TMTC2: variants seen among roughly 807,000 people sequenced by gnomAD.
TMTC2 encodes the protein protein O-mannosyl-transferase TMTC2.
Under a neutral mutation model 82.4 loss-of-function variants are expected in TMTC2, and 43 were observed. The observed-to-expected ratio is 0.52, with a 90% CI of 0.41 to 0.67. The LOEUF (loss-of-function observed/expected upper bound fraction) is 0.67. Among genes scored for constraint, TMTC2 ranks in the 30% least tolerant of loss-of-function variants. The pLI, the probability that TMTC2 is intolerant of heterozygous loss-of-function variation, is 0.00. For synonymous variants in TMTC2, 408 were observed against 381.9 expected, an observed-to-expected ratio of 1.07 and a Z score of -0.80; for missense variants, 919 against 1,012.4, an observed-to-expected ratio of 0.91 and a Z score of 1.25.
At chr12:82,782,456 C>G (rs1877955066) in intron 1 of TMTC2, among the ~76,000 whole-genome samples, 1 of 152,104 alleles carries the variant, frequency 6.6e-6, no homozygotes, top group Non-Finnish European at 1.5e-5. Context: ...GCTTTGCTAG[C>G]CTTCCTAGTG....
At chr12:82,742,210 A>T (rs1158445251) in intron 1 of TMTC2, among the ~76,000 whole-genome samples, 2 of 152,096 alleles carry the variant, frequency 1.3e-5, no homozygotes, top group African/African-American at 4.8e-5. Flanking sequence ...CTGCATCCTT[A>T]TGACCCAAAT....
chr12:82,923,834 A>C (rs888311571), intron 3 of TMTC2, among the ~76,000 whole-genome samples: 2 of 152,198 alleles, frequency 1.3e-5, no homozygotes, highest in Non-Finnish European at 2.9e-5. Context: ...GAGCCTTGGA[A>C]TATTCCTCCA....
intron 7 of TMTC2, among the ~76,000 whole-genome samples, chr12:82,969,254 C>T (rs1878348218): frequency 6.6e-6 from 1 of 152,134 alleles, no homozygotes; most frequent in African/African-American, 2.4e-5. Flanking sequence ...CACACATTTA[C>T]ATATTATTAG....
chr12:82,848,275 T>C (rs1870796928), intron 1 of TMTC2, among the ~76,000 whole-genome samples: 1 of 152,152 alleles, frequency 6.6e-6, no homozygotes, highest in East Asian at 1.9e-4. Flanking sequence ...TCCCAGAGTC[T>C]TTGAAAATAT....
chr12:82,753,642 G>C (rs1876138994), intron 1 of TMTC2, among the ~76,000 whole-genome samples: 1 of 152,096 alleles, frequency 6.6e-6, no homozygotes, highest in South Asian at 2.1e-4. Flanking sequence ...TTTCAAAGAA[G>C]ATATGAGAAG....
chr12:82,794,057 G>T (rs1330858555), intron 1 of TMTC2, among the ~76,000 whole-genome samples: 1 of 152,096 alleles, frequency 6.6e-6, no homozygotes, highest in Non-Finnish European at 1.5e-5. Context: ...TGGCTCCAGG[G>T]TGCTTCAGTC....
chr12:83,006,436 T>C (rs1460816279), intron 8 of TMTC2, among the ~76,000 whole-genome samples: 3 of 152,192 alleles, frequency 2.0e-5, no homozygotes, highest in Non-Finnish European at 4.4e-5. Flanking sequence ...CCTCTTTCAT[T>C]TCTGATTTTT....
intron 8 of TMTC2, among the ~76,000 whole-genome samples, chr12:83,029,203 A>T (rs181697563): frequency 6.6e-6 from 1 of 152,202 alleles, no homozygotes; most frequent in African/African-American, 2.4e-5. Flanking sequence ...GCTGCGTACC[A>T]TGTAGCACAA....
rs1339788771 is a variant in TMTC2 at position 82,857,400 on chromosome 12, C to G, written c.474C>G (p.His158Gln). 9 of 1,614,202 alleles carry G rather than the reference C, an allele frequency of 5.6e-6. No individual in the cohort carries two copies. The Admixed American group carries it at 1.3e-4, about 24-fold the overall frequency. The change falls in exon 2 of 12, where the codon CAC (histidine) becomes CAG (glutamine). Residue 158 changes from histidine (H) to glutamine (Q), a missense_variant. By Grantham distance (24) the His-to-Gln change is conservative (BLOSUM62 0). Coordinates refer to ENST00000321196, the MANE Select transcript of TMTC2 (RefSeq NM_152588.3). ...TCTCCTTGCTCTGCTACATTAAACA[C>G]TGTTCTACAAGAGGCTACTCAGCCA... ...FLLSLLCYIK[H>Q]CSTRGYSART...
At chr12:82,845,003 G>A (rs187041553) in intron 1 of TMTC2, among the ~76,000 whole-genome samples, 194 of 151,018 alleles carry the variant, frequency 1.3e-3, no homozygotes, top group African/African-American at 4.4e-3. Context: ...CGAGGTGGGC[G>A]GATCACTTGA....
intron 8 of TMTC2, among the ~76,000 whole-genome samples, chr12:83,016,132 C>T (rs1161095859): frequency 6.6e-6 from 1 of 152,020 alleles, no homozygotes; most frequent in South Asian, 2.1e-4. Flanking sequence ...GTTACATAAC[C>T]CTGTTTGGTC....
chr12:82,901,846 C>G (rs756039660), intron 3 of TMTC2, among the ~76,000 whole-genome samples: 1 of 152,138 alleles, frequency 6.6e-6, no homozygotes, highest in Non-Finnish European at 1.5e-5. Flanking sequence ...GGCTTTCCCA[C>G]AGACTCAGTT....
In TMTC2 at chr12:82,896,069, C is replaced by A; in HGVS notation, c.906C>A (p.Leu302=). 1 of 1,613,980 alleles carries A rather than the reference C, an allele frequency of 6.2e-7. No homozygotes were observed. Among genetic ancestry groups the A allele is most frequent in the South Asian group, 1.1e-5 (1 of 91,054 alleles). Residue 302 remains leucine (L), a synonymous_variant, in exon 3 of 12, where the codon CTC becomes CTA. Coordinates refer to ENST00000321196, the MANE Select transcript of TMTC2 (RefSeq NM_152588.3). ...FDWSMDAVPL[L]KTVCDWRNLH... ...GGTCAATGGATGCTGTGCCTCTGCT[C>A]AAAACAGTTTGTGACTGGAGAAACC...
intron 1 of TMTC2, among the ~76,000 whole-genome samples, chr12:82,706,691 T>C (rs771843242): frequency 6.6e-6 from 1 of 152,072 alleles, no homozygotes; most frequent in Non-Finnish European, 1.5e-5. Flanking sequence ...ATAGTAGAAA[T>C]GGAAAGGTGG....
At chr12:82,754,369 TC>T (rs1457345017) in intron 1 of TMTC2, among the ~76,000 whole-genome samples, 1 of 152,216 alleles carries the variant, frequency 6.6e-6, no homozygotes, top group African/African-American at 2.4e-5. Context: ...ATAGCTATGT[TC>T]TGCTAATTTA....
At chr12:82,710,626 T>A (rs1407965308) in intron 1 of TMTC2, among the ~76,000 whole-genome samples, 1 of 152,232 alleles carries the variant, frequency 6.6e-6, no homozygotes, top group Non-Finnish European at 1.5e-5. Context: ...AGTTTTATAT[T>A]TTAAGTCTCC....
chr12:82,843,016 CAG>C (rs1468867622), intron 1 of TMTC2, among the ~76,000 whole-genome samples: 2 of 152,186 alleles, frequency 1.3e-5, no homozygotes, highest in Non-Finnish European at 2.9e-5. Flanking sequence ...TGGCACATAA[CAG>C]GGAGAGCAGT....
chr12:82,735,793 C>T lies in TMTC2; in HGVS notation c.83+48124C>T, dbSNP rs182921419. Among the ~76,000 whole-genome samples, 105 of 151,640 alleles carry T rather than the reference C, an allele frequency of 6.9e-4. No individual in the cohort carries two copies. The South Asian group carries it at 7.9e-3, about 11-fold the overall frequency. On this transcript the variant is annotated intron_variant, in intron 1 of 11. Transcript: ENST00000321196. ...CAGCCTGGCCAACATAGTGAAACCC[C>T]GTCTCTATTAAAAATACAAAAAGTA... is the stretch of plus-strand genomic sequence containing the variant.
At chr12:82,796,201 C>G (rs968827988) in intron 1 of TMTC2, among the ~76,000 whole-genome samples, 1 of 152,088 alleles carries the variant, frequency 6.6e-6, no homozygotes, top group African/African-American at 2.4e-5. Context: ...CCGGGACGAC[C>G]TGGCTGAATT....
Sources: gnomAD v4.1 joint callset for allele counts (sites outside exome capture counted in the v4.1 genomes callset) on GRCh38, gnomAD v4.1.1 for gene constraint, MANE v1.5 for transcripts, NCBI Gene and HGNC (gene_info 2026-07-23, HGNC 2026-07-21) for gene names.